EPHA7: variants seen among roughly 807,000 people sequenced by gnomAD.
EPHA7 encodes EPH receptor A7, also known as ephrin type-A receptor 7.
A neutral mutation model predicts 112.6 loss-of-function variants in EPHA7; 25 were observed. The observed-to-expected ratio is 0.22, with a 90% confidence interval of 0.16 to 0.31. EPHA7 has a LOEUF of 0.31. EPHA7 is among the 10% of genes least tolerant of loss of function. The pLI is 1.00. For missense variants in EPHA7, 962 were observed against 1,212.6 expected (o/e 0.79, Z 3.07); for synonymous variants, 437 against 406.5 (o/e 1.07, Z -0.90).
intron 5 of EPHA7, among the ~76,000 whole-genome samples, chr6:93,313,570 T>C (rs1773646454): frequency 6.6e-6 from 1 of 151,874 alleles, no homozygotes; most frequent in African/African-American, 2.4e-5. Flanking sequence ...ACAAACAAAA[T>C]TAAATATGGA....
At chr6:93,408,304 C>G (rs1009463634) in intron 3 of EPHA7, among the ~76,000 whole-genome samples, 1 of 152,018 alleles carries the variant, frequency 6.6e-6, no homozygotes, top group African/African-American at 2.4e-5. Context: ...TTTTTTGTAA[C>G]AGTTACTGCT....
chr6:93,296,202 C>T (rs1159064790), intron 5 of EPHA7, among the ~76,000 whole-genome samples: 2 of 150,224 alleles, frequency 1.3e-5, no homozygotes, highest in African/African-American at 2.4e-5. Context: ...ACACAGATCG[C>T]TGCAGCCATT....
intron 3 of EPHA7, among the ~76,000 whole-genome samples, chr6:93,396,668 T>C (rs1434863295): frequency 2.0e-5 from 3 of 151,872 alleles, no homozygotes; most frequent in Admixed American, 1.3e-4. Flanking sequence ...AAAATGACTA[T>C]TATGAAACAT....
At chr6:93,373,361 T>C (rs1041479509) in intron 3 of EPHA7, among the ~76,000 whole-genome samples, 1 of 152,046 alleles carries the variant, frequency 6.6e-6, no homozygotes, top group Non-Finnish European at 1.5e-5. Flanking sequence ...AATAACTTGG[T>C]CATGTGAAAA....
chr6:93,267,327 G>A (rs531847393), intron 7 of EPHA7, among the ~76,000 whole-genome samples: 3 of 151,792 alleles, frequency 2.0e-5, no homozygotes, highest in South Asian at 4.1e-4. Flanking sequence ...ACCTCAGAAT[G>A]TTTTGTGAAT....
intron 3 of EPHA7, among the ~76,000 whole-genome samples, chr6:93,406,774 A>C (rs1778742082): frequency 6.6e-6 from 1 of 151,858 alleles, no homozygotes; most frequent in Admixed American, 6.6e-5. Context: ...AATCGAATAA[A>C]ATTGCATAAA....
intron 5 of EPHA7, among the ~76,000 whole-genome samples, chr6:93,337,931 G>A (rs1390517441): frequency 1.3e-5 from 2 of 152,004 alleles, no homozygotes; most frequent in Non-Finnish European, 2.9e-5. Flanking sequence ...AAACAGGAAG[G>A]AAGAAATGGA....
intron 6 of EPHA7, among the ~76,000 whole-genome samples, chr6:93,272,097 C>G (rs1156924561): frequency 6.6e-6 from 1 of 151,778 alleles, no homozygotes; most frequent in Non-Finnish European, 1.5e-5. Context: ...TTGTGTAACA[C>G]AGAAACTTAA....
At chr6:93,419,026 G>T (rs1309195361) in intron 1 of EPHA7, among the ~76,000 whole-genome samples, 2 of 152,198 alleles carry the variant, frequency 1.3e-5, no homozygotes, top group African/African-American at 4.8e-5. Flanking sequence ...CCGTCGGATG[G>T]ACGGCTCCGG....
At chr6:93,337,479 C>G (rs1774932837) in intron 5 of EPHA7, among the ~76,000 whole-genome samples, 1 of 152,154 alleles carries the variant, frequency 6.6e-6, no homozygotes. Context: ...GGGCATTGTG[C>G]TGTATTTTGT....
chr6:93,371,371 C>G (rs905696035), intron 3 of EPHA7, among the ~76,000 whole-genome samples: 1 of 152,034 alleles, frequency 6.6e-6, no homozygotes, highest in African/African-American at 2.4e-5. Context: ...TGTAAGTAAT[C>G]TAGAGATTAT....
intron 13 of EPHA7, 34 bp from the exon 14 acceptor site, chr6:93,254,830 T>A: frequency 6.4e-7 from 1 of 1,555,142 alleles, no homozygotes; most frequent in Non-Finnish European, 8.8e-7. Context: ...TTTAAATATG[T>A]ATAATAACTG....
intron 3 of EPHA7, among the ~76,000 whole-genome samples, chr6:93,380,227 C>G (rs529724932): frequency 6.6e-6 from 1 of 152,010 alleles, no homozygotes; most frequent in African/African-American, 2.4e-5. Flanking sequence ...ATAATTCCTG[C>G]GCTCCAGTTC....
chr6:93,287,936 CAT>C (rs771693344), intron 5 of EPHA7, among the ~76,000 whole-genome samples: 6 of 152,164 alleles, frequency 3.9e-5, no homozygotes, highest in African/African-American at 7.2e-5. Context: ...TAGATAATAA[CAT>C]GTGTTGGCAA....
chr6:93,275,182 T>G (rs1373467006), intron 5 of EPHA7, among the ~76,000 whole-genome samples: 1 of 151,798 alleles, frequency 6.6e-6, no homozygotes, highest in Non-Finnish European at 1.5e-5. Flanking sequence ...ATGAATTAAA[T>G]GCTTCAAGAA....
At chr6:93,280,853 G>T (rs749470) in intron 5 of EPHA7, among the ~76,000 whole-genome samples, 67,573 of 151,932 alleles carry the variant, frequency 0.44, 15,875 homozygotes, top group South Asian at 0.7. Context: ...GACTTTGTTT[G>T]TATTAAAATT....
intron 3 of EPHA7, among the ~76,000 whole-genome samples, chr6:93,390,885 G>A (rs1360164956): frequency 1.3e-5 from 2 of 151,862 alleles, no homozygotes; most frequent in Non-Finnish European, 2.9e-5. Flanking sequence ...CTCAAGAAAT[G>A]TTGATTGAAC....
chr6:93,403,860 A>C (rs1582677468), intron 3 of EPHA7, among the ~76,000 whole-genome samples: 1 of 152,126 alleles, frequency 6.6e-6, no homozygotes, highest in African/African-American at 2.4e-5. Context: ...TTTGAAAAAG[A>C]AGCTAGGGAA....
intron 5 of EPHA7, among the ~76,000 whole-genome samples, chr6:93,275,760 G>T (rs1771441323): frequency 6.6e-6 from 1 of 151,926 alleles, no homozygotes. Context: ...GTTAGTATAA[G>T]GCTTTAAATT....
Sources: gnomAD v4.1 joint callset for allele counts (sites outside exome capture counted in the v4.1 genomes callset) on GRCh38, gnomAD v4.1.1 for gene constraint, MANE v1.5 for transcripts, NCBI Gene and HGNC (gene_info 2026-07-23, HGNC 2026-07-21) for gene names.